THSD7B: variants seen among roughly 807,000 people sequenced by gnomAD.
THSD7B encodes the protein thrombospondin type-1 domain-containing protein 7B.
A neutral mutation model predicts 213.6 loss-of-function variants in THSD7B; 138 were observed. That is an observed-to-expected ratio of 0.65 (90% CI 0.56 to 0.74). THSD7B has a LOEUF of 0.74. THSD7B is among the 30% of genes least tolerant of loss of function. THSD7B has a pLI of 0.00. For missense variants in THSD7B, 1,931 were observed against 1,991.5 expected (o/e 0.97, Z 0.58); for synonymous variants, 742 against 687.0 (o/e 1.08, Z -1.25).
chr2:137,281,144 C>G (rs1452086840), intron 12 of THSD7B, among the ~76,000 whole-genome samples: 1 of 151,968 alleles, frequency 6.6e-6, no homozygotes, highest in Non-Finnish European at 1.5e-5. Context: ...TTTAGGTGGA[C>G]CAAAAGAGGC....
In THSD7B at chr2:137,229,008, T is replaced by C. The variant is rs760336287; in HGVS notation, c.1724-2036T>C. Among the ~76,000 whole-genome samples, 31 of 152,180 alleles carry C rather than the reference T, an allele frequency of 2.0e-4. 1 individual carries two copies. The highest frequency in any genetic ancestry group is 8.8e-5 in the Non-Finnish European group (6 of 68,036). ...AGATAGAGATGCTCTTCCAAAAGTGTGGCCCTCGATCAAATACAGGTGAAG... is the reference window on the plus strand; with the variant it reads ...AGATAGAGATGCTCTTCCAAAAGTGCGGCCCTCGATCAAATACAGGTGAAG... On this transcript the variant is annotated intron_variant, in intron 7 of 27. Transcript: ENST00000409968.
chr2:137,319,396 G>A (rs1216168360), intron 12 of THSD7B, among the ~76,000 whole-genome samples: 2 of 151,842 alleles, frequency 1.3e-5, no homozygotes, highest in East Asian at 3.9e-4. Context: ...CCACCTCCAG[G>A]TTCAAGACTC....
intron 5 of THSD7B, among the ~76,000 whole-genome samples, chr2:137,121,146 T>G (rs1405124373): frequency 6.6e-6 from 1 of 152,222 alleles, no homozygotes; most frequent in Non-Finnish European, 1.5e-5. Flanking sequence ...AGCAAAAATA[T>G]TGAAGAGTTC....
chr2:136,907,205 A>G (rs925967461), intron 2 of THSD7B, among the ~76,000 whole-genome samples: 2 of 152,096 alleles, frequency 1.3e-5, no homozygotes, highest in Non-Finnish European at 2.9e-5. Flanking sequence ...TTGGCCTCCC[A>G]AAATGCTGGG....
chr2:137,156,911 T>C (rs1266300960), intron 5 of THSD7B, among the ~76,000 whole-genome samples: 1 of 152,130 alleles, frequency 6.6e-6, no homozygotes, highest in Non-Finnish European at 1.5e-5. Flanking sequence ...CTGAGGGGCT[T>C]AGAGTATCTT....
chr2:137,217,246 C>T (rs1035437828), intron 7 of THSD7B, among the ~76,000 whole-genome samples: 3 of 152,160 alleles, frequency 2.0e-5, no homozygotes, highest in African/African-American at 7.2e-5. Context: ...TTATTTTTTA[C>T]ACTCTTCCGT....
chr2:137,167,187 A>G (rs983312405), intron 6 of THSD7B, among the ~76,000 whole-genome samples: 2 of 150,914 alleles, frequency 1.3e-5, no homozygotes, highest in Non-Finnish European at 3.0e-5. Context: ...TATAATTTTT[A>G]TTTTATTATT....
intron 12 of THSD7B, among the ~76,000 whole-genome samples, chr2:137,292,980 G>T (rs60548099): frequency 6.6e-6 from 1 of 151,890 alleles, no homozygotes; most frequent in Non-Finnish European, 1.5e-5. Flanking sequence ...ATCAAATTGC[G>T]TGCCCTCTCC....
intron 12 of THSD7B, among the ~76,000 whole-genome samples, chr2:137,390,511 G>A (rs963088764): frequency 9.2e-5 from 14 of 152,004 alleles, no homozygotes; most frequent in Admixed American, 5.9e-4. Context: ...TTTTCAATTT[G>A]GATGCCTTTC....
At chr2:137,645,577 T>C (rs1271790506) in intron 21 of THSD7B, among the ~76,000 whole-genome samples, 1 of 152,114 alleles carries the variant, frequency 6.6e-6, no homozygotes, top group East Asian at 1.9e-4. Flanking sequence ...CCAAGATACA[T>C]ACTAGGAGCA....
chr2:137,589,662 G>A (rs1032515535), intron 17 of THSD7B, among the ~76,000 whole-genome samples: 1 of 152,078 alleles, frequency 6.6e-6, no homozygotes, highest in African/African-American at 2.4e-5. Context: ...TTGGGGTCTG[G>A]TTTCTTAGTA....
At chr2:136,956,587 G>A (rs1438537136) in intron 2 of THSD7B, among the ~76,000 whole-genome samples, 1 of 142,716 alleles carries the variant, frequency 7.0e-6, no homozygotes, top group African/African-American at 2.7e-5. Flanking sequence ...GGGTGACAAA[G>A]TGAGACCCTG....
chr2:137,666,431 G>A (rs1412274959), intron 26 of THSD7B, among the ~76,000 whole-genome samples: 1 of 152,030 alleles, frequency 6.6e-6, no homozygotes, highest in Non-Finnish European at 1.5e-5. Context: ...ATTGAGACTT[G>A]AAAGTGTCCT....
intron 10 of THSD7B, among the ~76,000 whole-genome samples, chr2:137,257,529 G>A (rs1329404839): frequency 6.6e-6 from 1 of 152,084 alleles, no homozygotes; most frequent in African/African-American, 2.4e-5. Context: ...GACAAAATTT[G>A]AGGGTCCTGT....
At chr2:137,076,680 C>G (rs1007293514) in intron 3 of THSD7B, among the ~76,000 whole-genome samples, 1 of 152,352 alleles carries the variant, frequency 6.6e-6, no homozygotes. Context: ...TTCTGCGTCA[C>G]TCACGCTGGG....
intron 15 of THSD7B, among the ~76,000 whole-genome samples, chr2:137,456,161 G>A (rs550388359): frequency 2.8e-4 from 43 of 152,270 alleles, no homozygotes; most frequent in Middle Eastern, 6.8e-3. Flanking sequence ...TTTTAAAGGT[G>A]TGTCTTCTCC....
intron 15 of THSD7B, among the ~76,000 whole-genome samples, chr2:137,544,382 T>A (rs1179497934): frequency 7.9e-5 from 12 of 151,864 alleles, no homozygotes; most frequent in Admixed American, 4.6e-4. Flanking sequence ...ATATGAAATT[T>A]CCAGAATAGG....
intron 10 of THSD7B, among the ~76,000 whole-genome samples, chr2:137,271,277 G>C (rs1682726174): frequency 6.6e-6 from 1 of 150,688 alleles, no homozygotes; most frequent in African/African-American, 2.4e-5. Context: ...TTCCTTCTGA[G>C]TGTAGTTACT....
intron 2 of THSD7B, among the ~76,000 whole-genome samples, chr2:136,974,920 T>C (rs1685455935): frequency 6.6e-6 from 1 of 152,200 alleles, no homozygotes; most frequent in South Asian, 2.1e-4. Context: ...TATTTTATTG[T>C]GGTTTTGATT....
Sources: allele counts gnomAD v4.1 joint callset (sites outside exome capture counted in the v4.1 genomes callset), GRCh38; gene constraint gnomAD v4.1.1; transcripts MANE v1.5; gene names NCBI Gene and HGNC (gene_info 2026-07-23, HGNC 2026-07-21).